FER: variants seen among roughly 807,000 people sequenced by gnomAD.
FER encodes tyrosine-protein kinase Fer.
Under a neutral mutation model 111.0 loss-of-function variants are expected in FER, and 63 were observed. The observed-to-expected ratio is 0.57, with a 90% CI of 0.46 to 0.70. FER has a LOEUF of 0.70. Ranked by LOEUF, FER falls within the 30% of genes least tolerant of loss-of-function variation. FER has a pLI of 0.00. For missense variants in FER, 914 were observed against 954.0 expected, an observed-to-expected ratio of 0.96 and a Z score of 0.55; for synonymous variants, 327 against 313.9, an observed-to-expected ratio of 1.04 and a Z score of -0.44.
chr5:109,113,429 T>C (rs1245109700), intron 17 of FER, among the ~76,000 whole-genome samples: 1 of 152,184 alleles, frequency 6.6e-6, no homozygotes, highest in African/African-American at 2.4e-5. Flanking sequence ...TCAGGAATTA[T>C]TTTATATTAC....
intron 14 of FER, among the ~76,000 whole-genome samples, chr5:109,039,903 C>T (rs1012895526): frequency 3.9e-5 from 6 of 151,996 alleles, no homozygotes; most frequent in Non-Finnish European, 8.8e-5. Flanking sequence ...TGAAAATAGG[C>T]TGACAACTTG....
intron 16 of FER, among the ~76,000 whole-genome samples, chr5:109,076,967 C>A (rs762847071): frequency 6.6e-6 from 1 of 152,184 alleles, no homozygotes; most frequent in Non-Finnish European, 1.5e-5. Flanking sequence ...AGAGCCAATA[C>A]ACAGAGCTAA....
intron 3 of FER, among the ~76,000 whole-genome samples, chr5:108,823,098 C>CT (rs912969654): frequency 6.6e-6 from 1 of 152,176 alleles, no homozygotes; most frequent in African/African-American, 2.4e-5. Context: ...GACTTCTGAC[C>CT]TTAAGTGATC....
chr5:109,116,726 G>A (rs1750300640), intron 17 of FER, among the ~76,000 whole-genome samples: 3 of 152,086 alleles, frequency 2.0e-5, no homozygotes, highest in African/African-American at 7.2e-5. Context: ...TAAAACATTT[G>A]CATTGCATTT....
At chr5:108,875,032 G>A (rs939945563) in intron 8 of FER, among the ~76,000 whole-genome samples, 3 of 152,166 alleles carry the variant, frequency 2.0e-5, no homozygotes, top group African/African-American at 7.2e-5. Flanking sequence ...ACTATGACAT[G>A]TACCTGATAA....
chr5:109,030,067 A>T (rs1318551546), intron 13 of FER, among the ~76,000 whole-genome samples: 1 of 152,114 alleles, frequency 6.6e-6, no homozygotes, highest in Non-Finnish European at 1.5e-5. Context: ...CCTCAAGTTC[A>T]ATGATTAGCC....
At chr5:108,760,120 A>G (rs1026093253) in intron 1 of FER, among the ~76,000 whole-genome samples, 13 of 150,616 alleles carry the variant, frequency 8.6e-5, no homozygotes, top group African/African-American at 3.2e-4. Flanking sequence ...GACCAGGTGC[A>G]TTGTTGATGA....
chr5:109,148,317 C>T (rs547294465), intron 17 of FER, among the ~76,000 whole-genome samples: 14 of 152,160 alleles, frequency 9.2e-5, no homozygotes, highest in African/African-American at 2.9e-4. Context: ...GCATAAGTCT[C>T]ATAAATTTGG....
intron 10 of FER, among the ~76,000 whole-genome samples, chr5:108,920,948 T>C (rs1401251911): frequency 6.6e-6 from 1 of 152,134 alleles, no homozygotes; most frequent in Non-Finnish European, 1.5e-5. Context: ...CTCCAGCCAT[T>C]GAGGTCTTAC....
chr5:108,786,899 TC>T (rs1346845218), intron 2 of FER, among the ~76,000 whole-genome samples: 1 of 152,202 alleles, frequency 6.6e-6, no homozygotes, highest in Non-Finnish European at 1.5e-5. Flanking sequence ...TTTTACATCT[TC>T]CTCTAACTTT....
intron 10 of FER, among the ~76,000 whole-genome samples, chr5:108,920,907 C>A (rs2149551277): frequency 6.6e-6 from 1 of 152,258 alleles, no homozygotes; most frequent in South Asian, 2.1e-4. Flanking sequence ...TACTTCCCCT[C>A]ATTATTTCCT....
At chr5:109,013,890 A>G (rs979172784) in intron 13 of FER, among the ~76,000 whole-genome samples, 24 of 151,954 alleles carry the variant, frequency 1.6e-4, no homozygotes, top group African/African-American at 5.1e-4. Context: ...CTTTTGAGAA[A>G]TGTCTGTTCA....
At chr5:109,105,256 G>GTA (rs1441085946) in intron 17 of FER, among the ~76,000 whole-genome samples, 1 of 148,390 alleles carries the variant, frequency 6.7e-6, no homozygotes, top group Non-Finnish European at 1.5e-5. Context: ...GTGTGTGTGT[G>GTA]TGTGTGTGTG....
intron 17 of FER, among the ~76,000 whole-genome samples, chr5:109,160,985 A>G (rs1367402582): frequency 6.6e-6 from 1 of 152,154 alleles, no homozygotes. Context: ...TAGCATAATG[A>G]CCTTTTTTCA....
intron 3 of FER, among the ~76,000 whole-genome samples, chr5:108,816,590 T>C (rs1289246486): frequency 6.6e-6 from 1 of 152,226 alleles, no homozygotes; most frequent in Non-Finnish European, 1.5e-5. Context: ...TTCTTGAGTA[T>C]TATGCCTTTA....
At chr5:108,929,619 A>G (rs1272989333) in intron 10 of FER, among the ~76,000 whole-genome samples, 1 of 152,044 alleles carries the variant, frequency 6.6e-6, no homozygotes, top group Non-Finnish European at 1.5e-5. Context: ...TTTTAAAGGA[A>G]GTCATTAAAA....
chr5:108,952,353 T>C (rs1452451388), intron 11 of FER, among the ~76,000 whole-genome samples: 1 of 138,628 alleles, frequency 7.2e-6, no homozygotes, highest in Non-Finnish European at 1.7e-5. Context: ...GTTTGTAAAA[T>C]TGTTTGGGAT....
chr5:108,866,353 C>T (rs115470687), intron 5 of FER, among the ~76,000 whole-genome samples: 1,848 of 152,176 alleles, frequency 0.012, 17 homozygotes, highest in African/African-American at 0.024. Context: ...CTAAACACCG[C>T]GTGTTCTCAC....
intron 14 of FER, among the ~76,000 whole-genome samples, chr5:109,042,399 G>A (rs1041388831): frequency 1.3e-5 from 2 of 152,054 alleles, no homozygotes; most frequent in Non-Finnish European, 2.9e-5. Flanking sequence ...AAAGGTTTGC[G>A]TTGAATGATG....
Sources: gnomAD v4.1 joint callset for allele counts (sites outside exome capture counted in the v4.1 genomes callset) on GRCh38, gnomAD v4.1.1 for gene constraint, MANE v1.5 for transcripts, NCBI Gene and HGNC (gene_info 2026-07-23, HGNC 2026-07-21) for gene names.